PTPRD: variants seen among roughly 807,000 people sequenced by gnomAD.
PTPRD encodes the protein protein tyrosine phosphatase receptor type D, also known as receptor-type tyrosine-protein phosphatase delta.
A neutral mutation model predicts 214.5 loss-of-function variants in PTPRD; 34 were observed. The ratio of observed to expected loss-of-function variants is 0.16; its 90% confidence interval spans 0.12 to 0.21. The LOEUF is 0.21. Among genes scored for constraint, PTPRD ranks in the 10% least tolerant of loss-of-function variants. The pLI is 1.00. For synonymous variants in PTPRD, 1,128 were observed against 845.7 expected, an observed-to-expected ratio of 1.33 and a Z score of -5.79; for missense variants, 2,545 against 2,398.7, an observed-to-expected ratio of 1.06 and a Z score of -1.27.
intron 3 of PTPRD, among the ~76,000 whole-genome samples, chr9:10,058,733 G>C (rs12348234): frequency 0.032 from 4,895 of 152,116 alleles, 231 homozygotes; most frequent in African/African-American, 0.11. Flanking sequence ...AGGTCCATAA[G>C]TTTGCAATAC....
intron 2 of PTPRD, among the ~76,000 whole-genome samples, chr9:10,341,840 T>TC (rs1399455094): frequency 6.6e-6 from 1 of 151,158 alleles, no homozygotes; most frequent in Non-Finnish European, 1.5e-5. Flanking sequence ...AATTCTTTTT[T>TC]CCCCTCTCCT....
At chr9:9,192,926 C>T (rs1343895110) in intron 9 of PTPRD, among the ~76,000 whole-genome samples, 1 of 151,912 alleles carries the variant, frequency 6.6e-6, no homozygotes, top group Non-Finnish European at 1.5e-5. Context: ...TGATAAGGTC[C>T]CCTCCCCTCC....
At chr9:8,557,530 G>A (rs1373685654) in intron 14 of PTPRD, among the ~76,000 whole-genome samples, 3 of 148,224 alleles carry the variant, frequency 2.0e-5, no homozygotes, top group Non-Finnish European at 3.0e-5. Context: ...ATCACCTGAG[G>A]TCAGGAGTTC....
intron 2 of PTPRD, among the ~76,000 whole-genome samples, chr9:10,472,213 G>C (rs1157851346): frequency 6.6e-6 from 1 of 152,026 alleles, no homozygotes; most frequent in Non-Finnish European, 1.5e-5. Flanking sequence ...AAGTATAAAA[G>C]CAATGTTTGA....
At chr9:9,895,076 G>A (rs2074569762) in intron 5 of PTPRD, among the ~76,000 whole-genome samples, 1 of 151,952 alleles carries the variant, frequency 6.6e-6, no homozygotes, top group Non-Finnish European at 1.5e-5. Context: ...ATTTCTTCCA[G>A]ATGAGGGATA....
intron 14 of PTPRD, among the ~76,000 whole-genome samples, chr9:8,580,825 C>G (rs944018332): frequency 5.3e-5 from 8 of 152,116 alleles, no homozygotes; most frequent in Admixed American, 5.2e-4. Context: ...AATGTGGATA[C>G]AATTTTTCGC....
At chr9:8,565,468 T>C (rs200864370) in intron 14 of PTPRD, among the ~76,000 whole-genome samples, 1 of 152,228 alleles carries the variant, frequency 6.6e-6, no homozygotes, top group East Asian at 1.9e-4. Context: ...ATTTGAAATG[T>C]AATTCCTATG....
intron 12 of PTPRD, among the ~76,000 whole-genome samples, chr9:8,650,999 A>T (rs1412890133): frequency 6.6e-6 from 1 of 152,098 alleles, no homozygotes; most frequent in Admixed American, 6.6e-5. Context: ...AACCAATAAC[A>T]TTTTGTAGGA....
rs572232233 is a variant in PTPRD at position 9,725,288 on chromosome 9, T to A, written c.-287+9245A>T. ...TAAGTCTCATGAGATCTGACGGTAT[T>A]AAAAATGGGAGTTTCCCTGCACAAG... On this transcript the variant is annotated intron_variant, in intron 7 of 45. Transcript: ENST00000381196. Among the ~76,000 whole-genome samples, 3 of 147,108 alleles carry A rather than the reference T, an allele frequency of 2.0e-5. No individual in the cohort carries two copies. In the South Asian group the frequency reaches 6.5e-4, roughly 32 times the overall value.
At chr9:10,012,046 A>G (rs2096611184) in intron 4 of PTPRD, among the ~76,000 whole-genome samples, 1 of 152,002 alleles carries the variant, frequency 6.6e-6, no homozygotes, top group African/African-American at 2.4e-5. Flanking sequence ...TATTGACAGG[A>G]AACATGTAGG....
At chr9:9,208,765 G>A (rs886420277) in intron 9 of PTPRD, among the ~76,000 whole-genome samples, 4 of 151,760 alleles carry the variant, frequency 2.6e-5, no homozygotes, top group African/African-American at 9.7e-5. Flanking sequence ...AGCATCAATG[G>A]TCTCAAACTA....
At chr9:9,338,105 A>G (rs1015472627) in intron 9 of PTPRD, among the ~76,000 whole-genome samples, 3 of 152,170 alleles carry the variant, frequency 2.0e-5, no homozygotes, top group Non-Finnish European at 4.4e-5. Flanking sequence ...TCCCCATACA[A>G]TGACAAATAG....
intron 8 of PTPRD, among the ~76,000 whole-genome samples, chr9:9,556,448 T>C (rs2081528305): frequency 1.3e-5 from 2 of 152,188 alleles, no homozygotes; most frequent in Non-Finnish European, 2.9e-5. Flanking sequence ...CAAATCTTTA[T>C]TGTTCAAGGG....
chr9:10,127,990 T>C (rs2098832306), intron 3 of PTPRD, among the ~76,000 whole-genome samples: 1 of 152,132 alleles, frequency 6.6e-6, no homozygotes, highest in African/African-American at 2.4e-5. Context: ...TATGCTTCTG[T>C]TTGACATCAT....
intron 2 of PTPRD, among the ~76,000 whole-genome samples, chr9:10,367,863 C>T (rs2097542829): frequency 6.6e-6 from 1 of 151,778 alleles, no homozygotes; most frequent in Non-Finnish European, 1.5e-5. Flanking sequence ...TGTTTTAGCT[C>T]CCATAGCTAT....
At chr9:9,830,722 G>A (rs1459373445) in intron 5 of PTPRD, among the ~76,000 whole-genome samples, 1 of 151,870 alleles carries the variant, frequency 6.6e-6, no homozygotes, top group African/African-American at 2.4e-5. Context: ...GACTGGCAGT[G>A]AAATGGTGTG....
chr9:8,843,939 C>A (rs749293425), intron 11 of PTPRD, among the ~76,000 whole-genome samples: 1 of 152,194 alleles, frequency 6.6e-6, no homozygotes, highest in Non-Finnish European at 1.5e-5. Context: ...GGTTTACTCT[C>A]AGGTCCTTTC....
intron 9 of PTPRD, among the ~76,000 whole-genome samples, chr9:9,364,809 C>G (rs1356544868): frequency 6.6e-6 from 1 of 151,376 alleles, no homozygotes; most frequent in Non-Finnish European, 1.5e-5. Context: ...TGTGACCTGA[C>G]TTCATTTCGG....
chr9:9,763,895 G>A (rs1283228844), intron 6 of PTPRD, among the ~76,000 whole-genome samples: 1 of 151,578 alleles, frequency 6.6e-6, no homozygotes, highest in Non-Finnish European at 1.5e-5. Flanking sequence ...CATTCTTGAC[G>A]ACCTCTCACC....
Sources: allele counts gnomAD v4.1 joint callset (sites outside exome capture counted in the v4.1 genomes callset), GRCh38; gene constraint gnomAD v4.1.1; transcripts MANE v1.5; gene names NCBI Gene and HGNC (gene_info 2026-07-23, HGNC 2026-07-21).